The following PMM2 variants were observed in gnomAD, a reference collection of about 807,000 sequenced individuals.
PMM2 encodes the protein mannose-6-phosphate isomerase.
In PMM2, 35 loss-of-function variants were observed where a neutral mutation model predicts 33.2. The observed-to-expected ratio is 1.06, with a 90% confidence interval of 0.81 to 1.40. The LOEUF (loss-of-function observed/expected upper bound fraction) is 1.40. PMM2 is among the 40% of genes most tolerant of loss of function. PMM2 has a pLI of 0.00. For synonymous variants in PMM2, 153 were observed against 114.7 expected, an observed-to-expected ratio of 1.33 and a Z score of -2.13; for missense variants, 386 against 306.0, an observed-to-expected ratio of 1.26 and a Z score of -1.95.
intron 7 of PMM2, among the ~76,000 whole-genome samples, chr16:8,837,209 T>G (rs1004256790): frequency 4.6e-5 from 7 of 151,870 alleles, no homozygotes; most frequent in Non-Finnish European, 1.0e-4. Context: ...GGGACTGATG[T>G]GTAAAAGAAT....
chr16:8,836,871 G>C (rs1462478378), intron 7 of PMM2, among the ~76,000 whole-genome samples: 2 of 152,032 alleles, frequency 1.3e-5, no homozygotes, highest in Non-Finnish European at 2.9e-5. Context: ...TAAAGAAAAA[G>C]GAGCATTAAC....
intron 1 of PMM2, among the ~76,000 whole-genome samples, chr16:8,799,797 C>T (rs1355273724): frequency 3.3e-5 from 5 of 152,016 alleles, no homozygotes; most frequent in Admixed American, 6.6e-5. Flanking sequence ...CCACCCGCCT[C>T]GGCCTCCCAA....
chr16:8,800,951 G>A (rs1337464454), intron 1 of PMM2, among the ~76,000 whole-genome samples: 1 of 152,166 alleles, frequency 6.6e-6, no homozygotes, highest in South Asian at 2.1e-4. Flanking sequence ...CTAAAGTGCC[G>A]GGATTACAGG....
chr16:8,827,388 A>T lies in PMM2; in HGVS notation c.639+14282A>T, dbSNP rs927114851. On this transcript the variant is annotated intron_variant, in intron 7 of 7. Coordinates refer to ENST00000268261, the MANE Select transcript of PMM2 (RefSeq NM_000303.3). ...ACAAAGGCCTTTTTTTTATTTTTTT[A>T]TTTTTATTTTTATTTTTTTTTGAAA... Among the ~76,000 whole-genome samples, 51 of 149,454 alleles carry T rather than the reference A, an allele frequency of 3.4e-4. 1 individual carries two copies. The highest frequency in any genetic ancestry group is 8.8e-4 in the African/African-American group (36 of 40,918).
At chr16:8,827,539 G>A (rs1310531445) in intron 7 of PMM2, among the ~76,000 whole-genome samples, 3 of 149,578 alleles carry the variant, frequency 2.0e-5, no homozygotes, top group African/African-American at 7.4e-5. Flanking sequence ...GGGACCACAG[G>A]CACACGCCAC....
At chr16:8,831,861 C>G (rs921175433) in intron 7 of PMM2, among the ~76,000 whole-genome samples, 2 of 152,184 alleles carry the variant, frequency 1.3e-5, no homozygotes, top group African/African-American at 4.8e-5. Flanking sequence ...GCCCTGGCCT[C>G]TCTTTGGTGC....
At chr16:8,825,052 G>A (rs2060758993) in intron 7 of PMM2, among the ~76,000 whole-genome samples, 3 of 152,112 alleles carry the variant, frequency 2.0e-5, no homozygotes, top group Admixed American at 1.3e-4. Context: ...GTTGTTTGAG[G>A]TGGAGTCTCG....
intron 7 of PMM2, among the ~76,000 whole-genome samples, chr16:8,828,349 T>C (rs2060790544): frequency 6.6e-6 from 1 of 152,006 alleles, no homozygotes; most frequent in African/African-American, 2.4e-5. Context: ...AAAAAAAACT[T>C]ACATAAATAA....
chr16:8,811,990 G>A (rs1053551357), intron 6 of PMM2, among the ~76,000 whole-genome samples: 3 of 152,212 alleles, frequency 2.0e-5, no homozygotes, highest in African/African-American at 7.2e-5. Flanking sequence ...CTCATCAAAA[G>A]AGGAGCACTT....
chr16:8,830,019 A>G (rs1456134501), intron 7 of PMM2, among the ~76,000 whole-genome samples: 1 of 152,170 alleles, frequency 6.6e-6, no homozygotes, highest in Non-Finnish European at 1.5e-5. Context: ...GCAGACACCC[A>G]ATGATGGGGC....
In PMM2 at chr16:8,843,633, G is replaced by T. The variant is rs567810086; in HGVS notation, c.640-4091G>T. On this transcript the variant is annotated intron_variant, in intron 7 of 7. Transcript: ENST00000268261. The stretch of plus-strand genomic sequence containing the variant: ...TCTTGTGTGCTGGAGATGTGGCTGG[G>T]GTTTGTCTCACAGTGGAGGCAAGGA... Among the ~76,000 whole-genome samples, 869 of 152,194 alleles carry T rather than the reference G, an allele frequency of 5.7e-3. 8 individuals are homozygous for T. The highest frequency in any genetic ancestry group is 7.5e-3 in the Non-Finnish European group (507 of 68,008).
In PMM2 at chr16:8,801,783, C is replaced by A; in HGVS notation, c.67-16C>A. 1 of 1,530,022 alleles carries A rather than the reference C, an allele frequency of 6.5e-7. No individual in the cohort carries two copies. The highest frequency in any genetic ancestry group is 9.0e-7 in the Non-Finnish European group (1 of 1,109,958). 94.8% of individuals were successfully genotyped at this position (1,530,022 alleles called of 1,614,324 possible). On this transcript the variant is annotated splice_polypyrimidine_tract_variant and intron_variant, in intron 1 of 7. Coordinates refer to ENST00000268261, the MANE Select transcript of PMM2 (RefSeq NM_000303.3). ...GTGTGGCTTATGACTGTTGTATTTT[C>A]TTTCTTGAAATTTAGAAAATTACCA...
chr16:8,812,102 A>T (rs974663351), intron 6 of PMM2, among the ~76,000 whole-genome samples: 1 of 152,238 alleles, frequency 6.6e-6, no homozygotes, highest in Non-Finnish European at 1.5e-5. Flanking sequence ...TAGGTAAACT[A>T]GACCGATGTT....
At chr16:8,802,942 C>T (rs1474043923) in intron 2 of PMM2, among the ~76,000 whole-genome samples, 1 of 152,110 alleles carries the variant, frequency 6.6e-6, no homozygotes, top group African/African-American at 2.4e-5. Context: ...AGCAAGATTT[C>T]TCACCTTCGC....
intron 7 of PMM2, among the ~76,000 whole-genome samples, chr16:8,826,327 C>T (rs2060767696): frequency 6.6e-6 from 1 of 152,136 alleles, no homozygotes. Flanking sequence ...TGTCTTTAAG[C>T]AGTTTTAATT....
intron 4 of PMM2, chr16:8,809,583 G>C (rs2060666725): frequency 6.6e-6 from 1 of 152,142 alleles, no homozygotes; most frequent in Non-Finnish European, 1.5e-5. Flanking sequence ...CTCTCAAGTA[G>C]CTGGGACTAC....
At chr16:8,824,933 T>C (rs1348460098) in intron 7 of PMM2, among the ~76,000 whole-genome samples, 2 of 152,250 alleles carry the variant, frequency 1.3e-5, no homozygotes, top group Non-Finnish European at 2.9e-5. Flanking sequence ...TAAAAATCTT[T>C]CATTGTCTCT....
At chr16:8,799,880 C>T (rs577670605) in intron 1 of PMM2, among the ~76,000 whole-genome samples, 16 of 152,290 alleles carry the variant, frequency 1.1e-4, no homozygotes, top group African/African-American at 3.6e-4. Flanking sequence ...TAGATTCTGT[C>T]TAATAGGTCC....
In PMM2 at chr16:8,827,719, CATATATATATATATATATAT is replaced by C. The variant is rs60052078; in HGVS notation, c.639+14636_639+14655del. On this transcript the variant is annotated intron_variant, in intron 7 of 7. Transcript: ENST00000268261. Reference sequence around the variant, plus strand: ...CCCACAAAGGCCTTTTAAATGTGTGCATATATATATATATATATATATATATATATATATATATATATGCA... The same window carrying C: ...CCCACAAAGGCCTTTTAAATGTGTGCATATATATATATATATATATATGCA... 5.9e-3 allele frequency among the ~76,000 whole-genome samples: 393 copies of C among 66,866 alleles called. 7 individuals are homozygous for C. The highest frequency in any genetic ancestry group is 0.011 in the African/African-American group (189 of 16,476). 43.9% of individuals were successfully genotyped at this position (66,866 alleles called of 152,430 possible).
Sources: allele counts gnomAD v4.1 joint callset (sites outside exome capture counted in the v4.1 genomes callset), GRCh38; gene constraint gnomAD v4.1.1; transcripts MANE v1.5; gene names NCBI Gene and HGNC (gene_info 2026-07-23, HGNC 2026-07-21).